Variants in PPP4R4 observed in about 807,000 individuals in gnomAD.
PPP4R4 encodes the protein protein phosphatase 4 regulatory subunit 4.
Under a neutral mutation model 121.8 loss-of-function variants are expected in PPP4R4, and 70 were observed. The ratio of observed to expected loss-of-function variants is 0.57; its 90% CI spans 0.47 to 0.70. The LOEUF (loss-of-function observed/expected upper bound fraction) is 0.70, where lower values mean the gene tolerates loss of function less well. PPP4R4 is among the 30% of genes least tolerant of loss of function. PPP4R4 has a pLI of 0.00. For missense variants in PPP4R4, 875 were observed against 1,033.6 expected (o/e 0.85, Z 2.10); for synonymous variants, 348 against 355.7 (o/e 0.98, Z 0.24).
intron 24 of PPP4R4, among the ~76,000 whole-genome samples, chr14:94,278,372 T>TTA (rs930868259): frequency 2.1e-4 from 32 of 152,276 alleles, no homozygotes; most frequent in East Asian, 7.7e-4. Context: ...GAATGCTATG[T>TTA]TATATATATA....
At chr14:94,206,636 A>C (rs1890475343) in intron 2 of PPP4R4, among the ~76,000 whole-genome samples, 1 of 151,954 alleles carries the variant, frequency 6.6e-6, no homozygotes, top group Non-Finnish European at 1.5e-5. Flanking sequence ...AAATTCACTG[A>C]ACATTCAATA....
At chr14:94,257,705 CTATTTAA>C (rs1893554271) in intron 17 of PPP4R4, among the ~76,000 whole-genome samples, 1 of 151,216 alleles carries the variant, frequency 6.6e-6, no homozygotes, top group Non-Finnish European at 1.5e-5. Flanking sequence ...TCCTTCCTTA[CTATTTAA>C]TATTTAAGTA....
intron 7 of PPP4R4, among the ~76,000 whole-genome samples, chr14:94,236,249 G>GA (rs1261380506): frequency 2.0e-5 from 3 of 151,592 alleles, no homozygotes; most frequent in Admixed American, 6.6e-5. Context: ...ACATGTTTTT[G>GA]AAAAAAAGAG....
chr14:94,266,413 C>A (rs1014163333), intron 22 of PPP4R4, among the ~76,000 whole-genome samples: 1 of 152,022 alleles, frequency 6.6e-6, no homozygotes, highest in African/African-American at 2.4e-5. Flanking sequence ...AGTTAAATTA[C>A]CATGATTTTT....
At chr14:94,217,710 A>G (rs1300590841) in intron 3 of PPP4R4, among the ~76,000 whole-genome samples, 1 of 152,318 alleles carries the variant, frequency 6.6e-6, no homozygotes, top group South Asian at 2.1e-4. Flanking sequence ...GATGCTAGAA[A>G]TAGGCCGGGC....
intron 2 of PPP4R4, among the ~76,000 whole-genome samples, chr14:94,186,561 A>G (rs916569008): frequency 2.6e-5 from 4 of 152,244 alleles, no homozygotes; most frequent in African/African-American, 9.6e-5. Flanking sequence ...GTGACTATAC[A>G]CATTCATTTA....
At chr14:94,257,339 T>A (rs1212353148) in intron 17 of PPP4R4, among the ~76,000 whole-genome samples, 1 of 152,104 alleles carries the variant, frequency 6.6e-6, no homozygotes, top group Non-Finnish European at 1.5e-5. Flanking sequence ...GTGAAATTAT[T>A]TACTTTTATG....
At chr14:94,264,041 C>T (rs113959698) in intron 19 of PPP4R4, among the ~76,000 whole-genome samples, 2 of 152,080 alleles carry the variant, frequency 1.3e-5, no homozygotes, top group South Asian at 2.1e-4. Flanking sequence ...GTTTTGGTAA[C>T]GTTTTGTTTC....
At chr14:94,249,115 A>C (rs1278337393) in intron 14 of PPP4R4, among the ~76,000 whole-genome samples, 2 of 152,074 alleles carry the variant, frequency 1.3e-5, no homozygotes, top group African/African-American at 4.8e-5. Context: ...ACATGTTTTC[A>C]TATGACTGTT....
Position 94,256,456 on chromosome 14 carries a change from G to A in PPP4R4, c.1866-4G>A. On this transcript the variant is annotated splice_region_variant and splice_polypyrimidine_tract_variant and intron_variant, in intron 16 of 24. Coordinates refer to ENST00000304338, the MANE Select transcript of PPP4R4 (RefSeq NM_058237.2). ...ACTCAAGAGTAAATACTATTTTATT[G>A]TAGAATGAAACTTTGCTACCTGTTG... 6.4e-7 allele frequency: 1 copy of A among 1,574,014 alleles called. No individual in the cohort carries two copies. The highest frequency in any genetic ancestry group is 1.4e-5 in the African/African-American group (1 of 73,232).
intron 14 of PPP4R4, among the ~76,000 whole-genome samples, chr14:94,247,170 G>A (rs183189882): frequency 1.3e-5 from 2 of 152,260 alleles, no homozygotes; most frequent in East Asian, 1.9e-4. Flanking sequence ...ATTTCCAAGG[G>A]GATTATTTAA....
At chr14:94,273,161 CTT>C (rs1894432569) in intron 23 of PPP4R4, among the ~76,000 whole-genome samples, 1 of 152,118 alleles carries the variant, frequency 6.6e-6, no homozygotes, top group African/African-American at 2.4e-5. Flanking sequence ...GAGTTGAAAA[CTT>C]ACATCCACAC....
intron 13 of PPP4R4, among the ~76,000 whole-genome samples, chr14:94,246,149 G>C (rs1216897524): frequency 1.3e-5 from 2 of 152,148 alleles, no homozygotes; most frequent in African/African-American, 4.8e-5. Context: ...TCAAAATTTG[G>C]TTCCCAGGAA....
chr14:94,185,268 G>A (rs1889206914), intron 2 of PPP4R4, among the ~76,000 whole-genome samples: 1 of 152,194 alleles, frequency 6.6e-6, no homozygotes, highest in Admixed American at 6.5e-5. Flanking sequence ...CAGTTTGAGA[G>A]GTCAAGGCAG....
chr14:94,184,322 G>A (rs1185630337), intron 2 of PPP4R4, among the ~76,000 whole-genome samples: 2 of 151,930 alleles, frequency 1.3e-5, no homozygotes, highest in South Asian at 2.1e-4. Flanking sequence ...GCAGTGGTGC[G>A]ATCACAGCTC....
rs10138196 is a variant in PPP4R4 at position 94,185,013 on chromosome 14, C to G, written c.191+8886C>G. ...TATTCAAGGAGATAGTTTAAGGAAG[C>G]AAATGCATTTTTCTTAAATTTCAGT... On this transcript the variant is annotated intron_variant, in intron 2 of 24. Coordinates refer to ENST00000304338, the MANE Select transcript of PPP4R4 (RefSeq NM_058237.2). Among the ~76,000 whole-genome samples, 304 of 152,294 alleles carry G rather than the reference C, an allele frequency of 2.0e-3. 1 individual carries two copies. The highest frequency in any genetic ancestry group is 7.0e-3 in the African/African-American group (289 of 41,550).
chr14:94,249,454 T>C (rs1301322595), intron 14 of PPP4R4, among the ~76,000 whole-genome samples: 2 of 152,124 alleles, frequency 1.3e-5, no homozygotes, highest in Admixed American at 6.5e-5. Flanking sequence ...GGATCTTTAG[T>C]AATTCAACAT....
intron 8 of PPP4R4, 56 bp from the exon 9 acceptor site, chr14:94,240,617 A>C: frequency 6.5e-7 from 1 of 1,540,570 alleles, no homozygotes; most frequent in African/African-American, 1.4e-5. Context: ...TAGTTTCCAC[A>C]TGTGCAATGT....
rs576245788 is a variant in PPP4R4, at chr14:94,273,392, A to T, written c.2450-1982A>T. ...AAGCAAATCGAAACATTCCAACTAT[A>T]TGACATTCTGGAGAAGATGAAACTA... On this transcript the variant is annotated intron_variant, in intron 23 of 24. Coordinates refer to ENST00000304338, the MANE Select transcript of PPP4R4 (RefSeq NM_058237.2). Among the ~76,000 whole-genome samples the T allele has an allele frequency of 6.4e-4, 98 of 152,314 alleles. 1 individual carries two copies. The highest frequency in any genetic ancestry group is 1.9e-4 in the Non-Finnish European group (13 of 68,020).
Sources: gnomAD v4.1 joint callset for allele counts (sites outside exome capture counted in the v4.1 genomes callset) on GRCh38, gnomAD v4.1.1 for gene constraint, MANE v1.5 for transcripts, NCBI Gene and HGNC (gene_info 2026-07-23, HGNC 2026-07-21) for gene names.